ARHGEF7: variants seen among roughly 807,000 people sequenced by gnomAD.
ARHGEF7 encodes PAK-interacting exchange factor beta.
In ARHGEF7, 33 loss-of-function variants were observed where a neutral mutation model predicts 109.8. That is an observed-to-expected ratio of 0.30 (90% CI 0.23 to 0.40). ARHGEF7 has a LOEUF of 0.40. Ranked by LOEUF, ARHGEF7 falls within the 10% of genes least tolerant of loss-of-function variation. The pLI is 1.00. For missense variants in ARHGEF7, 938 were observed against 1,098.5 expected, an observed-to-expected ratio of 0.85 and a Z score of 2.07; for synonymous variants, 458 against 424.6, an observed-to-expected ratio of 1.08 and a Z score of -0.97.
At position 111,128,356 on chromosome 13, in the gene ARHGEF7, G is replaced by A. The variant is rs190156312; in HGVS notation, c.165+12665G>A. Among the ~76,000 whole-genome samples the A allele has an allele frequency of 7.8e-4, 119 of 152,316 alleles. 2 individuals are homozygous for A. Among genetic ancestry groups the A allele is most frequent in the Admixed American group, 7.7e-3 (118 of 15,300 alleles). ...TAGAACTAGTAAGTCAGCTGGATGT[G>A]GTGGCTCACACCTGTAATCCCAGCT... is the stretch of plus-strand genomic sequence containing the variant. On this transcript the variant is annotated intron_variant, in intron 1 of 21. Transcript: ENST00000646102.
At chr13:111,191,365 G>T (rs998356774) in intron 2 of ARHGEF7, among the ~76,000 whole-genome samples, 1 of 152,216 alleles carries the variant, frequency 6.6e-6, no homozygotes, top group East Asian at 1.9e-4. Flanking sequence ...TAACAGGGCC[G>T]TGTATGCGCT....
intron 2 of ARHGEF7, among the ~76,000 whole-genome samples, chr13:111,154,648 G>T (rs1390496785): frequency 2.0e-5 from 3 of 152,180 alleles, no homozygotes; most frequent in African/African-American, 7.2e-5. Flanking sequence ...GTAAAATGTT[G>T]TGTCACTTTA....
In ARHGEF7 at chr13:111,233,263, G is replaced by A. The variant is rs777106824; in HGVS notation, c.729G>A (p.Thr243=). ...TLKSPPKGFD[T]TAINKSYYNV... is the part of the protein sequence containing the mutation. The stretch of plus-strand genomic sequence containing the variant: ...AGAGCCCTCCCAAAGGATTTGATAC[G>A]ACTGCCATAAACAAAAGCTATTACA... Residue 243 remains threonine (T), a synonymous_variant, in exon 6 of 22, where the codon ACG becomes ACA. Coordinates refer to ENST00000646102, the MANE Select transcript of ARHGEF7 (RefSeq NM_001354046.2). 7.3e-5 allele frequency: 118 copies of A among 1,613,924 alleles called. No homozygotes were observed. The highest frequency in any genetic ancestry group is 9.7e-5 in the Non-Finnish European group (114 of 1,179,960).
At chr13:111,154,121 A>G (rs757241627) in intron 2 of ARHGEF7, 130 bp downstream of exon 2, 37 of 984,458 alleles carry the variant, frequency 3.8e-5, no homozygotes, top group Non-Finnish European at 5.1e-5. Context: ...GCTGCTCGAG[A>G]GTCCGGGATG....
At chr13:111,236,772 G>C (rs2086894719) in intron 6 of ARHGEF7, among the ~76,000 whole-genome samples, 1 of 152,088 alleles carries the variant, frequency 6.6e-6, no homozygotes, top group African/African-American at 2.4e-5. Flanking sequence ...TTTGACACCA[G>C]CCTGGGCAGC....
chr13:111,124,134 C>A (rs1443305991), intron 1 of ARHGEF7, among the ~76,000 whole-genome samples: 1 of 152,194 alleles, frequency 6.6e-6, no homozygotes, highest in Non-Finnish European at 1.5e-5. Flanking sequence ...GAAGATTCCT[C>A]TCTTCCTGTG....
At chr13:111,221,733 TAGG>T (rs1387464018) in intron 5 of ARHGEF7, among the ~76,000 whole-genome samples, 2 of 150,034 alleles carry the variant, frequency 1.3e-5, no homozygotes, top group Non-Finnish European at 3.0e-5. Flanking sequence ...ATACAGCTAA[TAGG>T]AGAATATTAT....
chr13:111,143,903 A>C (rs1037551817), intron 1 of ARHGEF7: 3 of 152,250 alleles, frequency 2.0e-5, no homozygotes, highest in Non-Finnish European at 4.4e-5. Flanking sequence ...AGAACAAAAT[A>C]CGACTCAATG....
intron 6 of ARHGEF7, chr13:111,241,275 G>A: frequency 6.5e-7 from 1 of 1,536,172 alleles, no homozygotes; most frequent in Non-Finnish European, 8.7e-7. Context: ...TCCAGGCTGT[G>A]AGGTCTCATG....
intron 1 of ARHGEF7, among the ~76,000 whole-genome samples, chr13:111,128,380 C>A (rs1594851581): frequency 6.6e-6 from 1 of 152,204 alleles, no homozygotes; most frequent in Non-Finnish European, 1.5e-5. Flanking sequence ...GTAATCCCAG[C>A]TACTCAGGAG....
chr13:111,189,471 G>C (rs999093034), intron 2 of ARHGEF7, among the ~76,000 whole-genome samples: 1 of 152,226 alleles, frequency 6.6e-6, no homozygotes, highest in East Asian at 1.9e-4. Flanking sequence ...CTTCCTCAGA[G>C]TAGGTTCGTG....
At chr13:111,200,291 T>TG (rs2081066919) in intron 2 of ARHGEF7, among the ~76,000 whole-genome samples, 1 of 152,204 alleles carries the variant, frequency 6.6e-6, no homozygotes, top group African/African-American at 2.4e-5. Flanking sequence ...GAGATGCAGT[T>TG]GTGGTACAAA....
intron 2 of ARHGEF7, among the ~76,000 whole-genome samples, chr13:111,201,724 GC>G (rs780317422): frequency 1.3e-5 from 2 of 152,060 alleles, no homozygotes; most frequent in Non-Finnish European, 2.9e-5. Flanking sequence ...GGTCTAAGGG[GC>G]CCAATGCAGG....
chr13:111,167,755 G>T (rs2077244947), intron 2 of ARHGEF7, among the ~76,000 whole-genome samples: 1 of 152,184 alleles, frequency 6.6e-6, no homozygotes, highest in Non-Finnish European at 1.5e-5. Context: ...GTTGAATGCT[G>T]AGGCACACAC....
intron 2 of ARHGEF7, among the ~76,000 whole-genome samples, chr13:111,176,907 C>A (rs1328327857): frequency 1.3e-5 from 2 of 152,206 alleles, no homozygotes; most frequent in Non-Finnish European, 2.9e-5. Flanking sequence ...CAGGCGTGTA[C>A]CACCACGCCC....
intron 19 of ARHGEF7, among the ~76,000 whole-genome samples, chr13:111,299,783 A>T (rs1158803003): frequency 6.6e-6 from 1 of 152,286 alleles, no homozygotes; most frequent in East Asian, 1.9e-4. Flanking sequence ...CAGAAGAAAG[A>T]CCCAGCAAGC....
intron 19 of ARHGEF7, among the ~76,000 whole-genome samples, chr13:111,298,877 C>T (rs961833180): frequency 6.6e-6 from 1 of 152,178 alleles, no homozygotes; most frequent in East Asian, 1.9e-4. Flanking sequence ...TAACAACAGC[C>T]GCAGGTGTGC....
chr13:111,223,784 G>T (rs916891466), intron 5 of ARHGEF7, among the ~76,000 whole-genome samples: 18 of 152,006 alleles, frequency 1.2e-4, no homozygotes, highest in Non-Finnish European at 1.0e-4. Context: ...CTTATGGAAG[G>T]TAAATAATTG....
chr13:111,120,509 G>A (rs953238358), intron 1 of ARHGEF7, among the ~76,000 whole-genome samples: 14 of 115,998 alleles, frequency 1.2e-4, no homozygotes, highest in East Asian at 3.2e-4. Context: ...ACATAGACAC[G>A]CACACACGCA....
Sources: allele counts gnomAD v4.1 joint callset (sites outside exome capture counted in the v4.1 genomes callset), GRCh38; gene constraint gnomAD v4.1.1; transcripts MANE v1.5; gene names NCBI Gene and HGNC (gene_info 2026-07-23, HGNC 2026-07-21).